DOT1L: variants seen among roughly 807,000 people sequenced by gnomAD.
DOT1L encodes the protein histone-lysine N-methyltransferase, H3 lysine-79 specific.
DOT1L carries 33 observed loss-of-function variants against 153.3 expected under a neutral mutation model. That is an observed-to-expected ratio of 0.22 (90% CI 0.16 to 0.29). The LOEUF is 0.29. DOT1L is among the 10% of genes least tolerant of loss of function. The pLI is 1.00. For missense variants in DOT1L, 1,847 were observed against 2,119.9 expected, an observed-to-expected ratio of 0.87 and a Z score of 2.53; for synonymous variants, 1,135 against 965.1, an observed-to-expected ratio of 1.18 and a Z score of -3.26.
At chr19:2,225,291 C>T (rs772806268) in intron 25 of DOT1L, 97 bp from the exon 26 acceptor site, 88 of 1,242,988 alleles carry the variant, frequency 7.1e-5, no homozygotes, top group Non-Finnish European at 9.3e-5. Flanking sequence ...TCTCGTTCAC[C>T]ACCTCCGGAG....
Position 2,227,187 on chromosome 19 carries a change from T to G in DOT1L, c.4606+60T>G, listed in dbSNP as rs532432503. 5 of 1,576,584 alleles carry G rather than the reference T, an allele frequency of 3.2e-6. No homozygotes were observed. The South Asian group carries it at 3.4e-5, about 11-fold the overall frequency. ...CGGCCCCCGCCGGAGGCCCCTTCCT[T>G]TGCAGGTTCCCTTCCGCACTCTCTT... On this transcript the variant is annotated intron_variant, in intron 27 of 27. Coordinates refer to ENST00000398665, the MANE Select transcript of DOT1L (RefSeq NM_032482.3).
chr19:2,194,669 A>ACATGGCTGTTGGCT, intron 7 of DOT1L, 92 bp downstream of exon 7: 2 of 1,473,410 alleles, frequency 1.4e-6, no homozygotes, highest in Non-Finnish European at 9.2e-7. Flanking sequence ...CGATGTTGGC[A>ACATGGCTGTTGGCT]CATGGCTGTT....
At chr19:2,164,689 A>G (rs950055237) in intron 1 of DOT1L, among the ~76,000 whole-genome samples, 2 of 147,644 alleles carry the variant, frequency 1.4e-5, no homozygotes, top group African/African-American at 5.0e-5. Flanking sequence ...CTTCTTTTTA[A>G]AAATTGGGCG....
intron 27 of DOT1L, 30 bp downstream of exon 27, chr19:2,227,157 C>CGCCCCG (rs762613475): frequency 1.0e-5 from 16 of 1,565,668 alleles, no homozygotes; most frequent in Admixed American, 7.3e-5. Context: ...GTCCGCCCCC[C>CGCCCCG]GCCCCGGCCC....
At chr19:2,227,827 G>A (rs1410635131) in intron 27 of DOT1L, 1 of 1,294,866 alleles carries the variant, frequency 7.7e-7, no homozygotes, top group Non-Finnish European at 1.0e-6. Context: ...GCCACACTGG[G>A]CCCGAGCCCG....
In DOT1L at chr19:2,220,288, C is replaced by A; in HGVS notation, c.2806+66C>A. 1 of 1,491,574 alleles carries A rather than the reference C, an allele frequency of 6.7e-7. No individual in the cohort carries two copies. Among genetic ancestry groups the A allele is most frequent in the Non-Finnish European group, 9.1e-7 (1 of 1,094,048 alleles). The allele number at this position is 1,491,574 out of a possible 1,614,324, so 92.4% of individuals were successfully genotyped here. A position where few individuals can be genotyped will look rare whatever the true frequency, so the allele number is the denominator to read the frequency against. On this transcript the variant is annotated intron_variant, in intron 23 of 27. Coordinates refer to ENST00000398665, the MANE Select transcript of DOT1L (RefSeq NM_032482.3). This position sits in a 1 kb window ranked among gnomAD's most constrained non-coding sequence, Gnocchi z 4.5. ...TGCTGCTGCTCTTCAGGCAGGAGGG[C>A]TGGGTTGCTGGGAGTGGAACAGGGC...
In DOT1L at chr19:2,220,388, G is replaced by A. The variant is rs370705258; in HGVS notation, c.2806+166G>A. On this transcript the variant is annotated intron_variant, in intron 23 of 27. Coordinates refer to ENST00000398665, the MANE Select transcript of DOT1L (RefSeq NM_032482.3). This position sits in a 1 kb window ranked among gnomAD's most constrained non-coding sequence, Gnocchi z 4.5. Reference sequence around the variant, plus strand: ...ACTGACACCCTTTCCTGCATCCCACGAGCTGGGATGCGGATCGGGCTCAGC... The same window carrying A: ...ACTGACACCCTTTCCTGCATCCCACAAGCTGGGATGCGGATCGGGCTCAGC... 1.7e-4 allele frequency: 127 copies of A among 740,830 alleles called. 1 individual carries two copies. The highest frequency in any genetic ancestry group is 1.6e-4 in the Non-Finnish European group (67 of 423,260). The allele number at this position is 740,830 out of a possible 1,614,324, so 45.9% of individuals were successfully genotyped here.
chr19:2,220,401 G>A lies in DOT1L; in HGVS notation c.2806+179G>A, dbSNP rs1568365658. On this transcript the variant is annotated intron_variant, in intron 23 of 27. Coordinates refer to ENST00000398665, the MANE Select transcript of DOT1L (RefSeq NM_032482.3). This position sits in a 1 kb window ranked among gnomAD's most constrained non-coding sequence, Gnocchi z 4.5. ...CCTGCATCCCACGAGCTGGGATGCG[G>A]ATCGGGCTCAGCTGCAGCCATCTCG... is the stretch of plus-strand genomic sequence containing the variant. The A allele has an allele frequency of 1.4e-6, 1 of 713,504 alleles. No homozygotes were observed. The highest frequency in any genetic ancestry group is 2.0e-5 in the Admixed American group (1 of 49,430). The allele number at this position is 713,504 out of a possible 1,614,324, so 44.2% of individuals were successfully genotyped here. A position where few individuals can be genotyped will look rare whatever the true frequency, so the allele number is the denominator to read the frequency against.
intron 9 of DOT1L, among the ~76,000 whole-genome samples, chr19:2,203,381 C>T (rs1013822744): frequency 2.6e-5 from 4 of 152,188 alleles, no homozygotes; most frequent in African/African-American, 7.2e-5. Flanking sequence ...AGATTACAGG[C>T]GTGAGCCATT....
intron 27 of DOT1L, chr19:2,229,266 A>G: frequency 1.0e-6 from 1 of 985,456 alleles, no homozygotes; most frequent in Non-Finnish European, 1.2e-6. Flanking sequence ...CGTGCCCTCC[A>G]GGGACATGGC....
At chr19:2,187,566 A>G (rs1360257307) in intron 3 of DOT1L, among the ~76,000 whole-genome samples, 1 of 152,174 alleles carries the variant, frequency 6.6e-6, no homozygotes, top group East Asian at 1.9e-4. Flanking sequence ...GTCTCTTCCC[A>G]GGAGCGTGCA....
intron 12 of DOT1L, among the ~76,000 whole-genome samples, chr19:2,209,536 C>T (rs1192109051): frequency 1.3e-5 from 2 of 152,192 alleles, no homozygotes; most frequent in South Asian, 2.1e-4. Flanking sequence ...TGGGCCCCCG[C>T]GCCCTGCACG....
chr19:2,229,810 C>G lies in DOT1L; in HGVS notation c.*18C>G. The G allele has an allele frequency of 1.9e-6, 3 of 1,613,236 alleles. No homozygotes were observed. Among genetic ancestry groups the G allele is most frequent in the South Asian group, 1.1e-5 (1 of 91,088 alleles). On this transcript the variant is annotated 3_prime_UTR_variant, in exon 28 of 28. Coordinates refer to ENST00000398665, the MANE Select transcript of DOT1L (RefSeq NM_032482.3). The stretch of plus-strand genomic sequence containing the variant: ...GTAACTAGGATTTCTACCTCAACCG[C>G]GAGACCTATGCAAGGACGGTGTGGA...
intron 2 of DOT1L, among the ~76,000 whole-genome samples, chr19:2,181,530 C>G (rs1047909489): frequency 6.6e-6 from 1 of 152,212 alleles, no homozygotes; most frequent in African/African-American, 2.4e-5. Flanking sequence ...AGCGGCACCT[C>G]CCTGGCCAGG....
intron 19 of DOT1L, chr19:2,216,023 C>T (rs904735047): frequency 4.2e-6 from 2 of 473,674 alleles, no homozygotes; most frequent in Admixed American, 4.0e-5. Flanking sequence ...GAGACGAGAG[C>T]TCTTTGTATC....
Position 2,225,420 on chromosome 19 carries a change from A to G in DOT1L, c.3629A>G (p.Glu1210Gly). The G allele has an allele frequency of 6.2e-7, 1 of 1,614,160 alleles. No homozygotes were observed. Among genetic ancestry groups the G allele is most frequent in the South Asian group, 1.1e-5 (1 of 91,080 alleles). The change falls in exon 26 of 28, where the codon GAA (glutamate) becomes GGA (glycine). Residue 1210 changes from glutamate (E) to glycine (G), a missense_variant. By Grantham distance (98) the Glu-to-Gly change is moderately conservative. Around this residue, in one of 8 missense-constraint regions of DOT1L, gnomAD observed 934 missense variants for 825.3 expected, o/e 1.13. Transcript: ENST00000398665. ...IERKIATISL[E>G]SKSPPKTLEN... ...AGAAAAATTGCAACAATCTCCTTAG[A>G]AAGCAAATCTCCCCCGAAAACCTTG...
chr19:2,213,223 A>C, intron 16 of DOT1L: 1 of 271,742 alleles, frequency 3.7e-6, no homozygotes, highest in Non-Finnish European at 7.1e-6. Flanking sequence ...ATCCCCTGGT[A>C]TTGCCTTGGG....
intron 1 of DOT1L, among the ~76,000 whole-genome samples, chr19:2,169,258 C>T (rs1473112837): frequency 1.3e-5 from 2 of 152,168 alleles, no homozygotes; most frequent in Non-Finnish European, 2.9e-5. Context: ...GACCTCTGAG[C>T]TTGAGTGTCC....
chr19:2,211,324 C>T (rs1012176131), intron 15 of DOT1L, 112 bp downstream of exon 15: 35 of 964,990 alleles, frequency 3.6e-5, no homozygotes, highest in Non-Finnish European at 5.0e-5. Flanking sequence ...CATGCTGGAC[C>T]CCACTGAAGT....
Sources: gnomAD v4.1 joint callset for allele counts (sites outside exome capture counted in the v4.1 genomes callset) on GRCh38, gnomAD v4.1.1 for gene constraint, gnomAD v4.1.1 regional missense constraint, Gnocchi (gnomAD v3.1) non-coding constraint, MANE v1.5 for transcripts, NCBI Gene and HGNC (gene_info 2026-07-23, HGNC 2026-07-21) for gene names.